RECK: variants seen among roughly 807,000 people sequenced by gnomAD.
The protein encoded by RECK is reversion-inducing cysteine-rich protein with Kazal motifs.
Under a neutral mutation model 115.1 loss-of-function variants are expected in RECK, and 69 were observed. The observed-to-expected ratio is 0.60, with a 90% confidence interval of 0.49 to 0.73. The LOEUF is 0.73. Ranked by LOEUF, RECK falls within the 30% of genes least tolerant of loss-of-function variation. The pLI is 0.00. For missense variants in RECK, 1,047 were observed against 1,203.7 expected, an observed-to-expected ratio of 0.87 and a Z score of 1.93; for synonymous variants, 414 against 419.7, an observed-to-expected ratio of 0.99 and a Z score of 0.17.
At position 36,123,313 on chromosome 9, in the gene RECK, C is replaced by T; in HGVS notation, c.*268C>T. The T allele has an allele frequency of 5.5e-6, 2 of 362,466 alleles. No homozygotes were observed. The highest frequency in any genetic ancestry group is 1.0e-5 in the Non-Finnish European group (2 of 200,860). 22.5% of individuals were successfully genotyped at this position (362,466 alleles called of 1,614,324 possible). ...CTGCCATATGATTTACATTTCCTCA[C>T]CATAAGGGTCCCCCACTCTAAAGCA... On this transcript the variant is annotated 3_prime_UTR_variant, in exon 21 of 21. Coordinates refer to ENST00000377966, the MANE Select transcript of RECK (RefSeq NM_021111.3).
chr9:36,101,587 G>C (rs1479748886), intron 11 of RECK, among the ~76,000 whole-genome samples: 1 of 152,206 alleles, frequency 6.6e-6, no homozygotes, highest in Admixed American at 6.5e-5. Flanking sequence ...GGAATATGTA[G>C]ACTCTTAGCA....
chr9:36,119,883 T>C (rs561255111), intron 18 of RECK, among the ~76,000 whole-genome samples: 2 of 152,326 alleles, frequency 1.3e-5, no homozygotes, highest in South Asian at 2.1e-4. Flanking sequence ...CATAATATTA[T>C]ATTTGATTAT....
rs936745299 is a variant in RECK at position 36,091,211 on chromosome 9, G to A, written c.953G>A (p.Ser318Asn). 1.9e-6 allele frequency: 3 copies of A among 1,614,004 alleles called. No homozygotes were observed. In the African/African-American group the frequency reaches 4.0e-5, roughly 22 times the overall value. ...AGCATGAGCTGGGGCAATACACAGA[G>A]TTGGCAAGAGTTTGATCGCTTTTGT... ...LYSMSWGNTQSWQEFDRFCEY... is the reference protein window; with the variant it reads ...LYSMSWGNTQNWQEFDRFCEY... Residue 318 changes from serine (S) to asparagine (N), a missense_variant, in exon 10 of 21, where the codon AGT (serine) becomes AAT (asparagine). Transcript: ENST00000377966.
At chr9:36,122,574 G>A (rs146431688) in intron 20 of RECK, among the ~76,000 whole-genome samples, 72 of 152,264 alleles carry the variant, frequency 4.7e-4, no homozygotes, top group African/African-American at 1.7e-3. Context: ...AGAGTGCTAG[G>A]ATTACAGGCA....
Position 36,102,146 on chromosome 9 carries a change from G to T in RECK, c.1351G>T (p.Glu451Ter). Residue 451 changes from glutamate (E) to a stop codon, truncating the protein, a stop_gained, in exon 12 of 21, where the codon GAA (glutamate) becomes TAA (stop). Transcript: ENST00000377966. LOFTEE classifies it high-confidence loss of function. The stretch of plus-strand genomic sequence containing the variant: ...ATGTGGAGACCAGAACAAATTCCCT[G>T]AAGACCACACAGCTGAAAGTATTTG... ...KKCGDQNKFP[E>*]DHTAESICEL... 1 of 1,613,650 alleles carries T rather than the reference G, an allele frequency of 6.2e-7. No homozygotes were observed. The highest frequency in any genetic ancestry group is 8.5e-7 in the Non-Finnish European group (1 of 1,179,680).
chr9:36,099,071 C>CA lies in RECK; in HGVS notation c.1086-1255dup, dbSNP rs550687245. Among the ~76,000 whole-genome samples, 66 of 152,140 alleles carry CA rather than the reference C, an allele frequency of 4.3e-4. 2 individuals are homozygous for CA. In the South Asian group the frequency reaches 0.013, roughly 30 times the overall value. ...CAAAACCTTGTCTCTAAAGAAAATA[C>CA]AAAAATTAACCAGGTGTGGTGGTGG... On this transcript the variant is annotated intron_variant, in intron 10 of 20. Transcript: ENST00000377966.
At chr9:36,095,382 G>T (rs1823297262) in intron 10 of RECK, among the ~76,000 whole-genome samples, 2 of 152,120 alleles carry the variant, frequency 1.3e-5, no homozygotes, top group Admixed American at 6.6e-5. Context: ...TGGCTTTACT[G>T]GTAATGCTTA....
At chr9:36,102,380 C>T in intron 12 of RECK, 150 bp downstream of exon 12, 2 of 685,494 alleles carry the variant, frequency 2.9e-6, no homozygotes, top group Non-Finnish European at 4.7e-6. Context: ...GTTTGCTTGG[C>T]CTTTTTGGCC....
intron 1 of RECK, among the ~76,000 whole-genome samples, chr9:36,051,110 T>C (rs1271044962): frequency 6.6e-6 from 1 of 152,202 alleles, no homozygotes; most frequent in Non-Finnish European, 1.5e-5. Flanking sequence ...GATCAGTGCC[T>C]AGTACTTAAG....
intron 11 of RECK, among the ~76,000 whole-genome samples, chr9:36,101,419 G>A (rs1823562807): frequency 6.6e-6 from 1 of 152,124 alleles, no homozygotes; most frequent in Non-Finnish European, 1.5e-5. Context: ...TTAATATCCA[G>A]CCCCTAAGCT....
chr9:36,092,028 A>C (rs1388610485), intron 10 of RECK, among the ~76,000 whole-genome samples: 1 of 152,232 alleles, frequency 6.6e-6, no homozygotes, highest in African/African-American at 2.4e-5. Flanking sequence ...GGCCAGAAGG[A>C]AGTTCTAGAT....
intron 4 of RECK, among the ~76,000 whole-genome samples, 177 bp from the exon 5 acceptor site, chr9:36,063,618 G>T (rs1338324339): frequency 6.6e-6 from 1 of 152,192 alleles, no homozygotes; most frequent in Admixed American, 6.5e-5. Context: ...GAAAGAGACT[G>T]ATAGCAGTGG....
At chr9:36,099,683 C>A (rs191210524) in intron 10 of RECK, among the ~76,000 whole-genome samples, 3,850 of 152,080 alleles carry the variant, frequency 0.025, 176 homozygotes, top group African/African-American at 0.086. Context: ...TGAAATCTTG[C>A]TATGTTGCCC....
rs1367841697 is a variant in RECK, at chr9:36,036,965, G to C, written c.-34G>C. 3 of 1,366,272 alleles carry C rather than the reference G, an allele frequency of 2.2e-6. No individual in the cohort carries two copies. Among genetic ancestry groups the C allele is most frequent in the South Asian group, 3.1e-5 (2 of 64,492 alleles). 84.6% of individuals were successfully genotyped at this position (1,366,272 alleles called of 1,614,324 possible). On this transcript the variant is annotated 5_prime_UTR_variant, in exon 1 of 21. Coordinates refer to ENST00000377966, the MANE Select transcript of RECK (RefSeq NM_021111.3). Reference sequence around the variant, plus strand: ...GCGGCTGCGGCCAAGCTGGGTCCGAGCATCCCGCGGCTCTGGAGCCGCCCG... The same window carrying C: ...GCGGCTGCGGCCAAGCTGGGTCCGACCATCCCGCGGCTCTGGAGCCGCCCG...
chr9:36,063,947 T>A (rs1821888886), intron 5 of RECK, 67 bp downstream of exon 5: 1 of 1,485,816 alleles, frequency 6.7e-7, no homozygotes, highest in African/African-American at 1.4e-5. Context: ...TGCACATGTC[T>A]TGGGCCTTGC....
intron 2 of RECK, among the ~76,000 whole-genome samples, chr9:36,056,166 T>TA (rs1182208714): frequency 6.6e-6 from 1 of 152,126 alleles, no homozygotes; most frequent in Non-Finnish European, 1.5e-5. Flanking sequence ...GAGGCAAATT[T>TA]ATGTAGCAGC....
chr9:36,122,959 G>A lies in RECK; in HGVS notation c.2830G>A (p.Gly944Ser), dbSNP rs192974126. ...GGTCTCCAGCAGTGTGCCATCGGCC[G>A]GTGTCAGGGCCAGGCCTTCTTGCCA... ...VQVSSSVPSA[G>S]VRARPSCHSL... Residue 944 changes from glycine to serine, a missense_variant, in exon 21 of 21, where the codon GGT (glycine) becomes AGT (serine). Physicochemically the swap from Gly to Ser is moderately conservative, Grantham distance 56 (BLOSUM62 0). Transcript: ENST00000377966. The A allele has an allele frequency of 9.9e-6, 16 of 1,614,098 alleles. No individual in the cohort carries two copies. The East Asian group carries it at 2.0e-4, about 20-fold the overall frequency.
intron 6 of RECK, among the ~76,000 whole-genome samples, chr9:36,077,824 A>G (rs1822508580): frequency 6.6e-6 from 1 of 152,124 alleles, no homozygotes; most frequent in Non-Finnish European, 1.5e-5. Context: ...CTTTTTCTGT[A>G]AGGGGCCAGA....
chr9:36,101,911 A>G (rs57157721), intron 11 of RECK, among the ~76,000 whole-genome samples, 183 bp from the exon 12 acceptor site: 39 of 152,220 alleles, frequency 2.6e-4, no homozygotes, highest in South Asian at 8.3e-4. Flanking sequence ...CTCAGACAAC[A>G]GAAAGTTAGG....
Sources: gnomAD v4.1 joint callset for allele counts (sites outside exome capture counted in the v4.1 genomes callset) on GRCh38, gnomAD v4.1.1 for gene constraint, MANE v1.5 for transcripts, NCBI Gene and HGNC (gene_info 2026-07-23, HGNC 2026-07-21) for gene names.